The following ST6GAL1 variants were observed in gnomAD, a reference collection of about 807,000 sequenced individuals.
The protein encoded by ST6GAL1 is beta-galactoside alpha-2,6-sialyltransferase 1.
In ST6GAL1, 20 loss-of-function variants were observed where a neutral mutation model predicts 38.0. That is an observed-to-expected ratio of 0.53 (90% CI 0.37 to 0.77). The LOEUF (loss-of-function observed/expected upper bound fraction) is 0.77. Among genes scored for constraint, ST6GAL1 ranks in the 30% least tolerant of loss-of-function variants. The probability of loss-of-function intolerance (pLI) is 0.00; values close to 1 mark genes in which losing one functional copy is unlikely to be tolerated. For missense variants in ST6GAL1, 432 were observed against 496.4 expected (o/e 0.87, Z 1.23); for synonymous variants, 196 against 188.2 (o/e 1.04, Z -0.34).
chr3:187,029,111 A>G (rs1215622054), intron 2 of ST6GAL1, among the ~76,000 whole-genome samples: 3 of 143,500 alleles, frequency 2.1e-5, no homozygotes, highest in Non-Finnish European at 4.7e-5. Flanking sequence ...AATTTTTCAT[A>G]GGTGCTTCAT....
chr3:187,017,383 C>T lies in ST6GAL1; in HGVS notation c.-182-21359C>T, dbSNP rs144379174. ...ATCAGGCATCTATATTTTAAAAATG[C>T]TTCCTAGGTGATATTAATGCCCAGG... On this transcript the variant is annotated intron_variant, in intron 2 of 7. Coordinates refer to ENST00000169298, the MANE Select transcript of ST6GAL1 (RefSeq NM_173216.2). Among the ~76,000 whole-genome samples, 748 of 151,880 alleles carry T rather than the reference C, an allele frequency of 4.9e-3. 6 individuals are homozygous for T. Among genetic ancestry groups the T allele is most frequent in the African/African-American group, 0.017 (705 of 41,472 alleles).
chr3:186,938,526 G>C (rs933699937), intron 1 of ST6GAL1, among the ~76,000 whole-genome samples: 6 of 152,186 alleles, frequency 3.9e-5, no homozygotes, highest in African/African-American at 1.4e-4. Flanking sequence ...GTTTTCACAA[G>C]CCGCACACTT....
intron 3 of ST6GAL1, chr3:187,042,088 C>T (rs1718141835): frequency 6.6e-6 from 1 of 152,554 alleles, no homozygotes. Flanking sequence ...AGAGATACAT[C>T]AGAAATCTAT....
intron 2 of ST6GAL1, among the ~76,000 whole-genome samples, chr3:187,009,286 T>A (rs938268631): frequency 2.6e-5 from 4 of 152,178 alleles, no homozygotes; most frequent in African/African-American, 9.7e-5. Flanking sequence ...CGTATTTTTT[T>A]AAAGGTACAT....
At chr3:187,030,963 G>T (rs1717726875) in intron 2 of ST6GAL1, among the ~76,000 whole-genome samples, 1 of 152,186 alleles carries the variant, frequency 6.6e-6, no homozygotes, top group African/African-American at 2.4e-5. Context: ...TGTAGCAATT[G>T]AAGGCAGTGG....
In ST6GAL1 at chr3:186,940,926, G is replaced by T. The variant is rs527550813; in HGVS notation, c.-325+10092G>T. Among the ~76,000 whole-genome samples the T allele has an allele frequency of 5.9e-5, 9 of 152,138 alleles. No individual in the cohort carries two copies. The South Asian group carries it at 1.7e-3, about 28-fold the overall frequency. ...TTAGACCTCAAACATATGGAGAGATGGTTGTAAATGTCAGTGGGTTAAATG... is the reference window on the plus strand; with the variant it reads ...TTAGACCTCAAACATATGGAGAGATTGTTGTAAATGTCAGTGGGTTAAATG... On this transcript the variant is annotated intron_variant, in intron 1 of 7. Transcript: ENST00000169298.
At chr3:187,029,966 G>C (rs572255071) in intron 2 of ST6GAL1, among the ~76,000 whole-genome samples, 1 of 152,246 alleles carries the variant, frequency 6.6e-6, no homozygotes, top group Admixed American at 6.5e-5. Context: ...ATTGGAGATG[G>C]GATGCCTGAA....
At chr3:186,940,783 G>A (rs910113076) in intron 1 of ST6GAL1, among the ~76,000 whole-genome samples, 2 of 129,302 alleles carry the variant, frequency 1.5e-5, no homozygotes, top group African/African-American at 5.8e-5. Flanking sequence ...CCATGTCAGT[G>A]TTTTTTTTTT....
intron 1 of ST6GAL1, among the ~76,000 whole-genome samples, chr3:186,946,625 A>C (rs1487542024): frequency 6.6e-6 from 1 of 152,182 alleles, no homozygotes; most frequent in Admixed American, 6.5e-5. Context: ...CTATCCATAT[A>C]CAGATATAGA....
rs60885611 is a variant in ST6GAL1, at chr3:186,987,135, A to AGG, written c.-183+23209_-183+23210insGG. Among the ~76,000 whole-genome samples, 603 of 140,802 alleles carry AGG rather than the reference A, an allele frequency of 4.3e-3. 4 individuals carry two copies. Among genetic ancestry groups the AGG allele is most frequent in the Non-Finnish European group, 6.7e-3 (427 of 64,142 alleles). The allele number at this position is 140,802 out of a possible 152,430, so 92.4% of individuals were successfully genotyped here. A position where few individuals can be genotyped will look rare whatever the true frequency, so the allele number is the denominator to read the frequency against. On this transcript the variant is annotated intron_variant, in intron 2 of 7. Coordinates refer to ENST00000169298, the MANE Select transcript of ST6GAL1 (RefSeq NM_173216.2). ...GGCAGACTGCATAGGAAAGGAAGGA[A>AGG]AGAAAGAAGGAAGGGAGGGAGGGAG...
chr3:187,065,019 T>C (rs1223580133), intron 5 of ST6GAL1, among the ~76,000 whole-genome samples: 7 of 151,590 alleles, frequency 4.6e-5, no homozygotes, highest in Admixed American at 4.6e-4. Flanking sequence ...TTTTTTTTTT[T>C]TGAGACAGAG....
rs35452443 is a variant in ST6GAL1 at position 186,940,783 on chromosome 3, G to GTT, written c.-325+9965_-325+9966dup. Among the ~76,000 whole-genome samples, 741 of 129,296 alleles carry GTT rather than the reference G, an allele frequency of 5.7e-3. 6 individuals are homozygous for GTT. Among genetic ancestry groups the GTT allele is most frequent in the Non-Finnish European group, 9.4e-3 (580 of 61,496 alleles). The allele number at this position is 129,296 out of a possible 152,430, so 84.8% of individuals were successfully genotyped here. Reference sequence around the variant, plus strand: ...GTATTGGAGGTCTTCCCATGTCAGTGTTTTTTTTTTTTTTTTTCATAGCTG... The same window carrying GTT: ...GTATTGGAGGTCTTCCCATGTCAGTGTTTTTTTTTTTTTTTTTTTCATAGCTG... On this transcript the variant is annotated intron_variant, in intron 1 of 7. Transcript: ENST00000169298.
intron 5 of ST6GAL1, among the ~76,000 whole-genome samples, chr3:187,069,197 C>T (rs907773617): frequency 6.6e-6 from 1 of 151,822 alleles, no homozygotes; most frequent in Non-Finnish European, 1.5e-5. Context: ...TGCAGTGGCA[C>T]GATCTTGGCT....
chr3:187,013,729 T>C (rs1175203694), intron 2 of ST6GAL1, among the ~76,000 whole-genome samples: 1 of 152,112 alleles, frequency 6.6e-6, no homozygotes, highest in Non-Finnish European at 1.5e-5. Context: ...GGATTACAGA[T>C]GTGCGCCACC....
Position 187,007,133 on chromosome 3 carries a change from C to T in ST6GAL1, c.-182-31609C>T, listed in dbSNP as rs112938151. On this transcript the variant is annotated intron_variant, in intron 2 of 7. Coordinates refer to ENST00000169298, the MANE Select transcript of ST6GAL1 (RefSeq NM_173216.2). ...CAGAGTACTGGGTTCAAAACTTGAA[C>T]AATGACTCACGATGAACATGGATTT... 4.9e-3 allele frequency among the ~76,000 whole-genome samples: 750 copies of T among 152,250 alleles called. 7 individuals are homozygous for T. The highest frequency in any genetic ancestry group is 0.017 in the African/African-American group (708 of 41,542).
intron 2 of ST6GAL1, among the ~76,000 whole-genome samples, chr3:187,009,215 TAAA>T (rs1410737986): frequency 1.3e-5 from 2 of 152,118 alleles, no homozygotes; most frequent in Non-Finnish European, 2.9e-5. Context: ...CCTGTTTTGT[TAAA>T]AAGTCAATAA....
intron 1 of ST6GAL1, among the ~76,000 whole-genome samples, chr3:186,937,970 A>T (rs1714024560): frequency 6.6e-6 from 1 of 152,196 alleles, no homozygotes; most frequent in South Asian, 2.1e-4. Flanking sequence ...GTTACTCAGG[A>T]GGCTGAGGTG....
intron 5 of ST6GAL1, among the ~76,000 whole-genome samples, chr3:187,069,595 C>T (rs1719291831): frequency 6.6e-6 from 1 of 152,204 alleles, no homozygotes; most frequent in Non-Finnish European, 1.5e-5. Flanking sequence ...TAGGTGACAA[C>T]AGGAGCTTCT....
At chr3:186,985,845 G>T (rs945684033) in intron 2 of ST6GAL1, among the ~76,000 whole-genome samples, 11 of 152,118 alleles carry the variant, frequency 7.2e-5, no homozygotes, top group Non-Finnish European at 1.2e-4. Flanking sequence ...GTCACTGGGG[G>T]CTGGTCATGT....
Sources: allele counts gnomAD v4.1 joint callset (sites outside exome capture counted in the v4.1 genomes callset), GRCh38; gene constraint gnomAD v4.1.1; transcripts MANE v1.5; gene names NCBI Gene and HGNC (gene_info 2026-07-23, HGNC 2026-07-21).